ANKRD36: variants seen among roughly 807,000 people sequenced by gnomAD.
ANKRD36 encodes ankyrin repeat domain 36, also known as ankyrin repeat domain-containing protein 36A.
A neutral mutation model predicts 278.1 loss-of-function variants in ANKRD36; 179 were observed. The observed-to-expected ratio is 0.64, with a 90% CI of 0.57 to 0.73. The LOEUF is 0.73. Among genes scored for constraint, ANKRD36 ranks in the 30% least tolerant of loss-of-function variants. The probability of loss-of-function intolerance (pLI) is 0.00; values close to 1 mark genes in which losing one functional copy is unlikely to be tolerated. For synonymous variants in ANKRD36, 320 were observed against 641.1 expected (o/e 0.50, Z 7.57); for missense variants, 1,159 against 1,956.7 (o/e 0.59, Z 7.69).
At chr2:97,202,170 A>T in intron 46 of ANKRD36, 32 bp from the exon 47 acceptor site, 1 of 1,607,968 alleles carries the variant, frequency 6.2e-7, no homozygotes, top group Admixed American at 1.7e-5. Context: ...ATATTTACGT[A>T]TGACTGATTA....
At chr2:97,174,756 G>A (rs1395772323) in intron 22 of ANKRD36, among the ~76,000 whole-genome samples, 2 of 151,918 alleles carry the variant, frequency 1.3e-5, no homozygotes, top group Non-Finnish European at 2.9e-5. Flanking sequence ...GATATTGACT[G>A]TGGGTTTGTC....
At chr2:97,205,336 A>T (rs1558765840) in intron 50 of ANKRD36, among the ~76,000 whole-genome samples, 1 of 151,602 alleles carries the variant, frequency 6.6e-6, no homozygotes, top group Admixed American at 6.6e-5. Context: ...AAGAAAGTTA[A>T]GCAAATTATT....
intron 50 of ANKRD36, 56 bp from the exon 51 acceptor site, chr2:97,205,884 T>C: frequency 6.6e-7 from 1 of 1,506,752 alleles, no homozygotes; most frequent in Non-Finnish European, 8.9e-7. Flanking sequence ...CTTGAATGTA[T>C]GGATATCTTT....
At chr2:97,166,950 C>T (rs1255645976) in intron 20 of ANKRD36, among the ~76,000 whole-genome samples, 7 of 152,132 alleles carry the variant, frequency 4.6e-5, no homozygotes, top group African/African-American at 7.2e-5. Flanking sequence ...ATGTAACTGT[C>T]GATAATCATG....
At chr2:97,212,190 T>C (rs2064844974) in intron 58 of ANKRD36, among the ~76,000 whole-genome samples, 1 of 151,914 alleles carries the variant, frequency 6.6e-6, no homozygotes, top group Non-Finnish European at 1.5e-5. Flanking sequence ...ATTATTTTCC[T>C]CAAGGAATAG....
intron 66 of ANKRD36, among the ~76,000 whole-genome samples, chr2:97,224,446 T>TG (rs1302760432): frequency 1.7e-4 from 24 of 145,298 alleles, no homozygotes; most frequent in African/African-American, 4.9e-4. Flanking sequence ...GTTTTTTTGT[T>TG]TTTTTGTTTT....
intron 34 of ANKRD36, among the ~76,000 whole-genome samples, chr2:97,190,515 A>G (rs1428670215): frequency 1.3e-5 from 2 of 151,576 alleles, no homozygotes; most frequent in Non-Finnish European, 2.9e-5. Context: ...TGTCATGGTA[A>G]TTGTGTGCCT....
intron 67 of ANKRD36, among the ~76,000 whole-genome samples, chr2:97,227,342 A>T (rs1008508482): frequency 6.6e-6 from 1 of 152,136 alleles, no homozygotes; most frequent in African/African-American, 2.4e-5. Flanking sequence ...GGTCCTTCAC[A>T]TCGCTTGTAA....
At chr2:97,185,941 A>G (rs1190351672) in intron 30 of ANKRD36, among the ~76,000 whole-genome samples, 2 of 151,830 alleles carry the variant, frequency 1.3e-5, no homozygotes, top group Non-Finnish European at 2.9e-5. Context: ...GAGACCACTG[A>G]TGTAGCAATT....
chr2:97,220,379 C>T (rs562403972), intron 66 of ANKRD36, among the ~76,000 whole-genome samples: 287 of 150,462 alleles, frequency 1.9e-3, no homozygotes, highest in Middle Eastern at 6.8e-3. Context: ...ATCCTCATTT[C>T]CTACCACCCC....
At chr2:97,115,686 C>T (rs1310869560) in intron 1 of ANKRD36, among the ~76,000 whole-genome samples, 3 of 150,156 alleles carry the variant, frequency 2.0e-5, no homozygotes. Flanking sequence ...GGTAGCAGTA[C>T]ATATACTGCT....
chr2:97,207,821 G>A lies in ANKRD36; in HGVS notation c.3174G>A (p.Glu1058=). The A allele has an allele frequency of 1.3e-6, 2 of 1,546,664 alleles. No individual in the cohort carries two copies. Among genetic ancestry groups the A allele is most frequent in the Non-Finnish European group, 1.7e-6 (2 of 1,144,562 alleles). ...DGEKSRTVSS[E]KPSGLKATSA... ...CCTTTTACTTTTCAGTGTCTTCTGAGAAACCATCAGGCTTGAAGGTAATGA... is the reference window on the plus strand; with the variant it reads ...CCTTTTACTTTTCAGTGTCTTCTGAAAAACCATCAGGCTTGAAGGTAATGA... Residue 1058 remains glutamate, a synonymous_variant, in exon 53 of 76, where the codon GAG becomes GAA. Transcript: ENST00000420699.
intron 20 of ANKRD36, among the ~76,000 whole-genome samples, chr2:97,166,661 C>T (rs2050754578): frequency 1.3e-5 from 2 of 152,210 alleles, no homozygotes; most frequent in South Asian, 2.1e-4. Flanking sequence ...TATTCGCACT[C>T]GAACAGAATA....
intron 6 of ANKRD36, among the ~76,000 whole-genome samples, chr2:97,139,873 T>C (rs1222707793): frequency 2.6e-5 from 4 of 151,996 alleles, no homozygotes; most frequent in Non-Finnish European, 5.9e-5. Flanking sequence ...CCCTCATGAA[T>C]GTTAAACTCT....
intron 75 of ANKRD36, among the ~76,000 whole-genome samples, chr2:97,258,863 G>A (rs1444852771): frequency 7.2e-6 from 1 of 138,220 alleles, no homozygotes; most frequent in African/African-American, 2.5e-5. Context: ...GATTGAAATG[G>A]ATTCATGACC....
chr2:97,159,954 T>G (rs1228132769), intron 17 of ANKRD36, among the ~76,000 whole-genome samples: 1 of 152,142 alleles, frequency 6.6e-6, no homozygotes, highest in Non-Finnish European at 1.5e-5. Context: ...GCTAATTTTT[T>G]TAATATTTTT....
At chr2:97,172,827 G>A (rs1211659146) in intron 22 of ANKRD36, among the ~76,000 whole-genome samples, 1 of 125,996 alleles carries the variant, frequency 7.9e-6, no homozygotes, top group Non-Finnish European at 1.8e-5. Flanking sequence ...GTTTTTGTGT[G>A]TGAATGTGTG....
chr2:97,129,788 C>T (rs187684523), intron 6 of ANKRD36, among the ~76,000 whole-genome samples: 107 of 152,024 alleles, frequency 7.0e-4, no homozygotes, highest in African/African-American at 2.3e-3. Context: ...TGTAGACATG[C>T]GGCATTATTT....
At chr2:97,201,704 A>T (rs1259613167) in intron 46 of ANKRD36, among the ~76,000 whole-genome samples, 1 of 151,940 alleles carries the variant, frequency 6.6e-6, no homozygotes, top group Non-Finnish European at 1.5e-5. Context: ...CACGGAAGAG[A>T]TGTGAAGTAT....
Sources: gnomAD v4.1 joint callset for allele counts (sites outside exome capture counted in the v4.1 genomes callset) on GRCh38, gnomAD v4.1.1 for gene constraint, MANE v1.5 for transcripts, NCBI Gene and HGNC (gene_info 2026-07-23, HGNC 2026-07-21) for gene names.